The following KLF12 variants were observed in gnomAD, a reference collection of about 807,000 sequenced individuals.
KLF12 encodes Krueppel-like factor 12.
A neutral mutation model predicts 37.8 loss-of-function variants in KLF12; 9 were observed. The observed-to-expected ratio is 0.24, with a 90% CI of 0.14 to 0.42. KLF12 has a LOEUF of 0.42. Ranked by LOEUF, KLF12 falls within the 10% of genes least tolerant of loss-of-function variation. The probability of loss-of-function intolerance (pLI) is 1.00; values close to 1 mark genes in which losing one functional copy is unlikely to be tolerated. For synonymous variants in KLF12, 208 were observed against 202.1 expected, an observed-to-expected ratio of 1.03 and a Z score of -0.25; for missense variants, 411 against 516.0, an observed-to-expected ratio of 0.80 and a Z score of 1.97.
intron 7 of KLF12, among the ~76,000 whole-genome samples, chr13:73,698,699 G>A (rs753167152): frequency 1.3e-5 from 2 of 152,206 alleles, no homozygotes; most frequent in African/African-American, 2.4e-5. Context: ...ACATCATTCC[G>A]GCTGTTTTCC....
intron 3 of KLF12, among the ~76,000 whole-genome samples, chr13:73,860,287 C>T (rs193050172): frequency 3.3e-5 from 5 of 152,298 alleles, no homozygotes; most frequent in South Asian, 2.1e-4. Flanking sequence ...CTTTCTCTTA[C>T]GAGGCGGCCA....
chr13:73,880,850 C>G (rs1299938433), intron 3 of KLF12, among the ~76,000 whole-genome samples: 1 of 152,028 alleles, frequency 6.6e-6, no homozygotes, highest in East Asian at 1.9e-4. Context: ...TATACTTTGA[C>G]CTGCTTAAAG....
intron 3 of KLF12, among the ~76,000 whole-genome samples, chr13:73,863,774 G>A (rs1303152206): frequency 6.6e-6 from 1 of 152,082 alleles, no homozygotes; most frequent in Non-Finnish European, 1.5e-5. Flanking sequence ...ACATATTCAG[G>A]AATTCAAACT....
chr13:73,871,972 C>G (rs372279096), intron 3 of KLF12, among the ~76,000 whole-genome samples: 1 of 152,124 alleles, frequency 6.6e-6, no homozygotes, highest in East Asian at 1.9e-4. Flanking sequence ...CCTGAAAAGA[C>G]TAGAATGTTG....
chr13:73,997,701 G>A (rs912388732), intron 1 of KLF12, among the ~76,000 whole-genome samples: 2 of 151,064 alleles, frequency 1.3e-5, no homozygotes, highest in African/African-American at 4.8e-5. Context: ...TCTTCCCAAA[G>A]CACAGAAGTT....
intron 1 of KLF12, among the ~76,000 whole-genome samples, chr13:74,111,800 AT>A (rs1271643355): frequency 6.6e-6 from 1 of 152,168 alleles, no homozygotes; most frequent in Non-Finnish European, 1.5e-5. Flanking sequence ...AATCCTCAAG[AT>A]GATGTTTTCC....
Position 73,921,981 on chromosome 13 carries a change from A to G in KLF12, c.123+22000T>C, listed in dbSNP as rs569369358. ...TTATGTGGTTGCAGAATCAATAATT[A>G]GCATTATGTTTTTTAATTGTACACA... On this transcript the variant is annotated intron_variant, in intron 3 of 7. Transcript: ENST00000377669. 2.0e-5 allele frequency among the ~76,000 whole-genome samples: 3 copies of G among 152,256 alleles called. 1 individual carries two copies. In the South Asian group the frequency reaches 6.2e-4, roughly 32 times the overall value.
intron 1 of KLF12, among the ~76,000 whole-genome samples, chr13:74,099,370 C>T (rs1876174900): frequency 6.6e-6 from 1 of 152,046 alleles, no homozygotes; most frequent in South Asian, 2.1e-4. Context: ...AGAAAAATCA[C>T]TTTGCACTTT....
At chr13:74,268,363 A>G in the KLF12 span, among the ~76,000 whole-genome samples, 2 of 152,266 alleles carry the variant, frequency 1.3e-5, no homozygotes, top group African/African-American at 4.8e-5. Flanking sequence ...TTTTCTGCCT[A>G]TTATATTTCT....
rs1893307904 is a variant in KLF12 at position 74,038,162 on chromosome 13, T to C, written c.-31-43109A>G. ...TCAATTTCTTAGTTTTGGCACTGTA[T>C]TACGTCATGTAAGATGCTACCAGTG... is the stretch of plus-strand genomic sequence containing the variant. On this transcript the variant is annotated intron_variant, in intron 1 of 7. Coordinates refer to ENST00000377669, the MANE Select transcript of KLF12 (RefSeq NM_007249.5). 3.3e-5 allele frequency among the ~76,000 whole-genome samples: 5 copies of C among 152,150 alleles called. No homozygotes were observed. In the South Asian group the frequency reaches 1.0e-3, roughly 32 times the overall value.
Position 73,728,851 on chromosome 13 carries a change from TG to T in KLF12, c.870-13327del, listed in dbSNP as rs943376469. Among the ~76,000 whole-genome samples the T allele has an allele frequency of 4.3e-4, 66 of 152,358 alleles. 1 individual carries two copies. Among genetic ancestry groups the T allele is most frequent in the African/African-American group, 1.6e-3 (65 of 41,590 alleles). ...TTGAGTCTCCACCCATAAGGGATAC[TG>T]GCATGTAGTTTTCTTGTGAGGTCTT... On this transcript the variant is annotated intron_variant, in intron 6 of 7. Coordinates refer to ENST00000377669, the MANE Select transcript of KLF12 (RefSeq NM_007249.5).
At chr13:73,975,396 G>A (rs887741566) in intron 2 of KLF12, among the ~76,000 whole-genome samples, 4 of 152,074 alleles carry the variant, frequency 2.6e-5, no homozygotes, top group Non-Finnish European at 5.9e-5. Flanking sequence ...GTTCAACCCC[G>A]CATACACTCA....
At chr13:74,050,683 C>A (rs1872861911) in intron 1 of KLF12, among the ~76,000 whole-genome samples, 1 of 152,020 alleles carries the variant, frequency 6.6e-6, no homozygotes, top group African/African-American at 2.4e-5. Context: ...TCAATATGAC[C>A]CCAAAAGCAC....
At chr13:74,269,692 C>G in the KLF12 span, among the ~76,000 whole-genome samples, 1 of 152,140 alleles carries the variant, frequency 6.6e-6, no homozygotes, top group African/African-American at 2.4e-5. Context: ...TGCCCAGGAG[C>G]TCAAGTTCCT....
chr13:73,738,106 TATATATATATATATATATACACAC>T (rs139697897), intron 6 of KLF12, among the ~76,000 whole-genome samples: 25,772 of 106,092 alleles, frequency 0.24, 2,673 homozygotes, highest in African/African-American at 0.32. Context: ...TATATATATA[TATATATATATATATATATACACAC>T]ACACACATAT....
upstream of KLF12, among the ~76,000 whole-genome samples, chr13:74,134,373 C>A (rs978197458): frequency 6.6e-6 from 1 of 151,954 alleles, no homozygotes; most frequent in Non-Finnish European, 1.5e-5. Flanking sequence ...CGAGCCGCTC[C>A]GCCCGAGGAT....
chr13:73,948,858 T>C (rs1890540059), intron 2 of KLF12, among the ~76,000 whole-genome samples: 1 of 152,220 alleles, frequency 6.6e-6, no homozygotes, highest in Admixed American at 6.5e-5. Context: ...AAATCATGTT[T>C]AGGTAATTAT....
At chr13:73,865,562 A>G (rs1159029008) in intron 3 of KLF12, among the ~76,000 whole-genome samples, 1 of 152,214 alleles carries the variant, frequency 6.6e-6, no homozygotes, top group East Asian at 1.9e-4. Flanking sequence ...GCATAATCAC[A>G]ACGTCTGCTA....
intron 1 of KLF12, among the ~76,000 whole-genome samples, chr13:74,036,190 A>T (rs1301313636): frequency 6.6e-6 from 1 of 152,092 alleles, no homozygotes. Flanking sequence ...ACTTTCAACA[A>T]TGTATCCTCT....
Sources: allele counts gnomAD v4.1 joint callset (sites outside exome capture counted in the v4.1 genomes callset), GRCh38; gene constraint gnomAD v4.1.1; transcripts MANE v1.5; gene names NCBI Gene and HGNC (gene_info 2026-07-23, HGNC 2026-07-21).